Variants in FAM151B observed in about 807,000 individuals in gnomAD.
FAM151B encodes the protein family with sequence similarity 151 member B.
Under a neutral mutation model 31.2 loss-of-function variants are expected in FAM151B, and 24 were observed. That is an observed-to-expected ratio of 0.77 (90% CI 0.56 to 1.08). The LOEUF (loss-of-function observed/expected upper bound fraction) is 1.08. Ranked by LOEUF, FAM151B falls within the 50% of genes least tolerant of loss-of-function variation. The probability of loss-of-function intolerance (pLI) is 0.00; values close to 1 mark genes in which losing one functional copy is unlikely to be tolerated. For missense variants in FAM151B, 293 were observed against 328.6 expected (o/e 0.89, Z 0.84); for synonymous variants, 105 against 111.4 (o/e 0.94, Z 0.36).
chr5:80,509,233 G>T (rs560014717), intron 2 of FAM151B, among the ~76,000 whole-genome samples: 1 of 151,858 alleles, frequency 6.6e-6, no homozygotes, highest in South Asian at 2.1e-4. Flanking sequence ...CCTGCCTCTG[G>T]CTCCCAAAGT....
intron 2 of FAM151B, among the ~76,000 whole-genome samples, chr5:80,503,949 C>T (rs1743846197): frequency 6.6e-6 from 1 of 152,020 alleles, no homozygotes; most frequent in South Asian, 2.1e-4. Flanking sequence ...AGTCTTCTAC[C>T]CACAGGCTAT....
At chr5:80,489,275 T>G (rs2112590721) in intron 1 of FAM151B, among the ~76,000 whole-genome samples, 1 of 152,338 alleles carries the variant, frequency 6.6e-6, no homozygotes, top group East Asian at 1.9e-4. Context: ...TTTGGTTTGT[T>G]TTTATCCTGG....
intron 5 of FAM151B, among the ~76,000 whole-genome samples, chr5:80,534,242 T>C (rs1005240744): frequency 5.7e-4 from 86 of 152,108 alleles, no homozygotes; most frequent in Middle Eastern, 3.4e-3. Context: ...AGGGAATACT[T>C]CTAAACTCAT....
chr5:80,519,751 C>G lies in FAM151B; in HGVS notation c.376C>G (p.Arg126Gly). Residue 126 changes from arginine (R) to glycine (G), a missense_variant, in exon 4 of 6, where the codon CGT becomes GGT. By Grantham distance (125) the Arg-to-Gly change is moderately radical (BLOSUM62 -2). Coordinates refer to ENST00000282226, the MANE Select transcript of FAM151B (RefSeq NM_205548.3). ...GGAAAATGTGAAGAGGCATCTGAAGCGTCCTGTATGGATTAATGCCGATAT... is the reference window on the plus strand; with the variant it reads ...GGAAAATGTGAAGAGGCATCTGAAGGGTCCTGTATGGATTAATGCCGATAT... ...LLENVKRHLK[R>G]PVWINADILP... is the part of the protein sequence containing the mutation. 1.2e-6 allele frequency: 2 copies of G among 1,614,038 alleles called. No homozygotes were observed. Among genetic ancestry groups the G allele is most frequent in the Non-Finnish European group, 1.7e-6 (2 of 1,179,994 alleles).
At chr5:80,497,945 A>T (rs759634101) in intron 1 of FAM151B, among the ~76,000 whole-genome samples, 2 of 152,184 alleles carry the variant, frequency 1.3e-5, no homozygotes, top group Non-Finnish European at 2.9e-5. Context: ...ATAAAAAATA[A>T]ATAAATAAAT....
At chr5:80,496,388 CA>C (rs1743537699) in intron 1 of FAM151B, among the ~76,000 whole-genome samples, 1 of 152,128 alleles carries the variant, frequency 6.6e-6, no homozygotes, top group South Asian at 2.1e-4. Flanking sequence ...AAGGTATGCA[CA>C]TTTTTTTAGA....
chr5:80,511,168 C>T (rs1312078319), intron 2 of FAM151B: 2 of 152,044 alleles, frequency 1.3e-5, no homozygotes, highest in Admixed American at 6.6e-5. Context: ...CAAGGAGACT[C>T]ATGCCCTAAA....
chr5:80,530,755 G>C, intron 5 of FAM151B, among the ~76,000 whole-genome samples: 1 of 152,094 alleles, frequency 6.6e-6, no homozygotes. Flanking sequence ...ACAAATGGAA[G>C]AACATTCCAT....
chr5:80,529,564 T>G, intron 5 of FAM151B, among the ~76,000 whole-genome samples: 1 of 152,132 alleles, frequency 6.6e-6, no homozygotes, highest in Non-Finnish European at 1.5e-5. Context: ...ATATCACCAC[T>G]GATCCCACAG....
intron 1 of FAM151B, among the ~76,000 whole-genome samples, chr5:80,493,726 A>G (rs249001): frequency 0.77 from 117,711 of 152,080 alleles, 48,910 homozygotes; most frequent in East Asian, 0.92. Context: ...AGCCTGGTAA[A>G]TTCTAGTCAG....
chr5:80,531,820 A>C lies in FAM151B; in HGVS notation c.671+9682A>C, dbSNP rs536454203. On this transcript the variant is annotated intron_variant, in intron 5 of 5. Coordinates refer to ENST00000282226, the MANE Select transcript of FAM151B (RefSeq NM_205548.3). ...TAAACTAGTTCAACCATTGTGGAAGACAGTGTGGTGATTCCTCAAGGATCT... is the reference window on the plus strand; with the variant it reads ...TAAACTAGTTCAACCATTGTGGAAGCCAGTGTGGTGATTCCTCAAGGATCT... Among the ~76,000 whole-genome samples the C allele has an allele frequency of 5.0e-3, 766 of 152,326 alleles. 6 individuals are homozygous for C. The highest frequency in any genetic ancestry group is 0.017 in the African/African-American group (721 of 41,580).
chr5:80,518,805 C>G (rs527620880), intron 3 of FAM151B: 1 of 152,248 alleles, frequency 6.6e-6, no homozygotes, highest in Non-Finnish European at 1.5e-5. Flanking sequence ...GAGGTAGAAG[C>G]ATAGACAGAA....
intron 1 of FAM151B, among the ~76,000 whole-genome samples, chr5:80,488,947 C>T (rs923360861): frequency 6.6e-6 from 1 of 151,992 alleles, no homozygotes; most frequent in Non-Finnish European, 1.5e-5. Flanking sequence ...AAAAAATCCC[C>T]CAAATGCTGA....
chr5:80,517,415 G>T (rs1467570075), intron 3 of FAM151B, among the ~76,000 whole-genome samples: 1 of 152,150 alleles, frequency 6.6e-6, no homozygotes, highest in Non-Finnish European at 1.5e-5. Flanking sequence ...AGGAAAGTTT[G>T]TTCTCAGTTC....
chr5:80,533,749 C>CAAAA (rs71601590), intron 5 of FAM151B, among the ~76,000 whole-genome samples: 10,656 of 67,018 alleles, frequency 0.16, 1,286 homozygotes, highest in East Asian at 0.38. Context: ...GACTCCATCT[C>CAAAA]AAAAAAAAAA....
intron 2 of FAM151B, among the ~76,000 whole-genome samples, chr5:80,511,605 T>C (rs1405921888): frequency 2.0e-5 from 3 of 151,970 alleles, no homozygotes; most frequent in African/African-American, 7.3e-5. Flanking sequence ...TTATTTATCT[T>C]TAAAAAAAAT....
chr5:80,538,245 T>C lies in FAM151B; in HGVS notation c.672-3428T>C, dbSNP rs144184888. Among the ~76,000 whole-genome samples the C allele has an allele frequency of 8.4e-3, 1,271 of 151,938 alleles. 34 individuals are homozygous for C. The highest frequency in any genetic ancestry group is 0.044 in the Admixed American group (671 of 15,274). ...ACCACATCCAGCTAATTTGTTGTATTTTTAGTGGAGATGGGGTTTCACCAT... is the reference window on the plus strand; with the variant it reads ...ACCACATCCAGCTAATTTGTTGTATCTTTAGTGGAGATGGGGTTTCACCAT... On this transcript the variant is annotated intron_variant, in intron 5 of 5. Transcript: ENST00000282226.
chr5:80,535,224 A>G (rs1745438555), intron 5 of FAM151B, among the ~76,000 whole-genome samples: 1 of 152,208 alleles, frequency 6.6e-6, no homozygotes, highest in South Asian at 2.1e-4. Context: ...TTCCAATGAC[A>G]TTCTTCACAG....
At chr5:80,527,152 G>A (rs1026943552) in intron 5 of FAM151B, among the ~76,000 whole-genome samples, 5 of 152,198 alleles carry the variant, frequency 3.3e-5, no homozygotes, top group African/African-American at 1.2e-4. Context: ...TCCAGGCACA[G>A]TGGCTCAGGC....
Sources: gnomAD v4.1 joint callset for allele counts (sites outside exome capture counted in the v4.1 genomes callset) on GRCh38, gnomAD v4.1.1 for gene constraint, MANE v1.5 for transcripts, NCBI Gene and HGNC (gene_info 2026-07-23, HGNC 2026-07-21) for gene names.